LRBA: variants seen among roughly 807,000 people sequenced by gnomAD.
LRBA encodes lipopolysaccharide-responsive and beige-like anchor protein.
In LRBA, 176 loss-of-function variants were observed where a neutral mutation model predicts 330.0. That is an observed-to-expected ratio of 0.53 (90% CI 0.47 to 0.60). The LOEUF (loss-of-function observed/expected upper bound fraction) is 0.60. LRBA is among the 20% of genes least tolerant of loss of function. The pLI, the probability that LRBA is intolerant of heterozygous loss-of-function variation, is 0.00. For missense variants in LRBA, 3,259 were observed against 3,444.8 expected (o/e 0.95, Z 1.35); for synonymous variants, 1,230 against 1,193.0 (o/e 1.03, Z -0.64).
intron 29 of LRBA, among the ~76,000 whole-genome samples, chr4:150,831,574 C>A (rs1484009560): frequency 6.6e-6 from 1 of 152,092 alleles, no homozygotes; most frequent in Non-Finnish European, 1.5e-5. Flanking sequence ...TTTTTCAACT[C>A]TTTTTGTATA....
At chr4:150,355,698 C>T (rs1737743923) in intron 47 of LRBA, among the ~76,000 whole-genome samples, 1 of 151,956 alleles carries the variant, frequency 6.6e-6, no homozygotes, top group Non-Finnish European at 1.5e-5. Context: ...ATTAACCCTC[C>T]TGACTTGAAA....
At chr4:150,403,514 T>A (rs1316636487) in intron 47 of LRBA, among the ~76,000 whole-genome samples, 2 of 152,140 alleles carry the variant, frequency 1.3e-5, no homozygotes, top group Non-Finnish European at 2.9e-5. Flanking sequence ...TTTTTTATTA[T>A]AAAAAGTATC....
At chr4:150,450,090 T>C (rs1248443504) in intron 44 of LRBA, among the ~76,000 whole-genome samples, 2 of 151,864 alleles carry the variant, frequency 1.3e-5, no homozygotes, top group Non-Finnish European at 2.9e-5. Context: ...CTTAAAATAA[T>C]AGAAAAAATG....
chr4:150,636,366 C>A (rs1012722718), intron 37 of LRBA, among the ~76,000 whole-genome samples: 1 of 151,976 alleles, frequency 6.6e-6, no homozygotes, highest in African/African-American at 2.4e-5. Context: ...TCTATTTTGA[C>A]GTTTGACTGT....
chr4:150,723,041 G>C (rs1420315090), intron 36 of LRBA, among the ~76,000 whole-genome samples: 1 of 152,020 alleles, frequency 6.6e-6, no homozygotes, highest in Admixed American at 6.6e-5. Context: ...ATATCCCAGG[G>C]GACAGAACAT....
intron 40 of LRBA, among the ~76,000 whole-genome samples, chr4:150,511,833 T>C (rs1331505157): frequency 6.6e-6 from 1 of 152,218 alleles, no homozygotes; most frequent in Non-Finnish European, 1.5e-5. Flanking sequence ...ATCAGACTTC[T>C]GACATTATGC....
At chr4:151,007,930 G>A (rs963432279) in intron 2 of LRBA, among the ~76,000 whole-genome samples, 6 of 151,168 alleles carry the variant, frequency 4.0e-5, no homozygotes, top group African/African-American at 1.5e-4. Context: ...GACTTAAAAT[G>A]AATCATAGGC....
At chr4:150,375,097 T>C (rs1741055007) in intron 47 of LRBA, among the ~76,000 whole-genome samples, 2 of 151,994 alleles carry the variant, frequency 1.3e-5, no homozygotes, top group African/African-American at 4.8e-5. Flanking sequence ...GGGGAATTAG[T>C]ATTACTGAAG....
chr4:150,353,333 A>G (rs1405822283), intron 47 of LRBA, among the ~76,000 whole-genome samples: 2 of 152,200 alleles, frequency 1.3e-5, no homozygotes, highest in East Asian at 3.8e-4. Flanking sequence ...CATCCAAGCT[A>G]ATTAAAAATT....
chr4:150,643,807 T>C (rs1251051923), intron 37 of LRBA, among the ~76,000 whole-genome samples: 1 of 152,008 alleles, frequency 6.6e-6, no homozygotes, highest in Non-Finnish European at 1.5e-5. Context: ...GAAAAAAAGA[T>C]ATTTCATGAT....
intron 46 of LRBA, chr4:150,422,779 C>T (rs1175116824): frequency 1.7e-5 from 24 of 1,436,620 alleles, no homozygotes; most frequent in Non-Finnish European, 2.2e-5. Context: ...GGGCACTGTT[C>T]TTTCTGGTAG....
chr4:150,721,732 A>G (rs890211176), intron 36 of LRBA, among the ~76,000 whole-genome samples: 11 of 152,186 alleles, frequency 7.2e-5, no homozygotes, highest in African/African-American at 2.6e-4. Flanking sequence ...CCCATTACTC[A>G]GCCTCCCGAG....
At chr4:150,519,225 A>C (rs1464381997) in intron 40 of LRBA, among the ~76,000 whole-genome samples, 3 of 152,104 alleles carry the variant, frequency 2.0e-5, no homozygotes, top group African/African-American at 7.2e-5. Context: ...AATTTTATTA[A>C]GGTATAGAAA....
chr4:150,957,532 T>TGCC (rs1294667170), intron 2 of LRBA, among the ~76,000 whole-genome samples: 1 of 148,422 alleles, frequency 6.7e-6, no homozygotes, highest in Admixed American at 6.6e-5. Context: ...CATATCATTC[T>TGCC]GCCCACGGCC....
intron 52 of LRBA, among the ~76,000 whole-genome samples, chr4:150,309,132 A>G (rs77963405): frequency 0.011 from 1,607 of 152,256 alleles, 19 homozygotes; most frequent in South Asian, 0.023. Context: ...TACTTGCAGA[A>G]GACAATGGAA....
At chr4:150,353,474 T>C (rs1234308074) in intron 47 of LRBA, among the ~76,000 whole-genome samples, 1 of 152,154 alleles carries the variant, frequency 6.6e-6, no homozygotes, top group Non-Finnish European at 1.5e-5. Flanking sequence ...TTTCTCAATA[T>C]TAAAGCTCTA....
At chr4:150,952,845 C>T (rs1238565326) in intron 2 of LRBA, among the ~76,000 whole-genome samples, 4 of 152,140 alleles carry the variant, frequency 2.6e-5, no homozygotes, top group Non-Finnish European at 5.9e-5. Flanking sequence ...CCTTGACCTC[C>T]TCCCAGTCTT....
chr4:150,640,273 G>T (rs753208529), intron 37 of LRBA, among the ~76,000 whole-genome samples: 30 of 152,156 alleles, frequency 2.0e-4, no homozygotes, highest in Non-Finnish European at 4.0e-4. Flanking sequence ...TCACATTATA[G>T]ACAATCACAC....
At chr4:150,804,404 T>C (rs1220978113) in intron 33 of LRBA, among the ~76,000 whole-genome samples, 1 of 152,210 alleles carries the variant, frequency 6.6e-6, no homozygotes, top group Non-Finnish European at 1.5e-5. Context: ...CCTACTGATA[T>C]TGTAAGGGTC....
Sources: allele counts gnomAD v4.1 joint callset (sites outside exome capture counted in the v4.1 genomes callset), GRCh38; gene constraint gnomAD v4.1.1; transcripts MANE v1.5; gene names NCBI Gene and HGNC (gene_info 2026-07-23, HGNC 2026-07-21).